PTPRK: variants seen among roughly 807,000 people sequenced by gnomAD.
PTPRK encodes the protein receptor-type tyrosine-protein phosphatase kappa.
In PTPRK, 75 loss-of-function variants were observed where a neutral mutation model predicts 178.0. That is an observed-to-expected ratio of 0.42 (90% CI 0.35 to 0.51). The LOEUF is 0.51. Ranked by LOEUF, PTPRK falls within the 20% of genes least tolerant of loss-of-function variation. The pLI is 0.02. For synonymous variants in PTPRK, 637 were observed against 620.6 expected (o/e 1.03, Z -0.39); for missense variants, 1,441 against 1,797.8 (o/e 0.80, Z 3.59).
intron 7 of PTPRK, among the ~76,000 whole-genome samples, chr6:128,136,882 T>A (rs1217909687): frequency 6.6e-6 from 1 of 152,156 alleles, no homozygotes; most frequent in Non-Finnish European, 1.5e-5. Context: ...ATGGTTTCTA[T>A]CCAAACCCCA....
At chr6:128,211,980 A>G (rs1265345588) in intron 6 of PTPRK, among the ~76,000 whole-genome samples, 1 of 152,040 alleles carries the variant, frequency 6.6e-6, no homozygotes, top group Admixed American at 6.6e-5. Context: ...TTCAATTAAC[A>G]TTCTATAAGA....
chr6:128,084,083 A>T (rs1241772544), intron 8 of PTPRK, among the ~76,000 whole-genome samples: 1 of 152,116 alleles, frequency 6.6e-6, no homozygotes, highest in Non-Finnish European at 1.5e-5. Context: ...ATATTCTATC[A>T]CCTTAGAGAG....
At chr6:128,272,074 C>T (rs1012910990) in intron 3 of PTPRK, among the ~76,000 whole-genome samples, 1 of 152,018 alleles carries the variant, frequency 6.6e-6, no homozygotes, top group African/African-American at 2.4e-5. Flanking sequence ...ACCATCTGAT[C>T]TTTGACAAAC....
At chr6:128,371,740 T>G (rs1240235469) in intron 2 of PTPRK, among the ~76,000 whole-genome samples, 1 of 152,054 alleles carries the variant, frequency 6.6e-6, no homozygotes. Flanking sequence ...CCAGGCACCA[T>G]GATGCACACC....
intron 3 of PTPRK, among the ~76,000 whole-genome samples, chr6:128,310,409 C>A (rs887327282): frequency 6.6e-6 from 1 of 152,080 alleles, no homozygotes; most frequent in East Asian, 1.9e-4. Context: ...GATAACGTTG[C>A]CTTCCGTATC....
In PTPRK at chr6:128,020,430, C is replaced by T. The variant is rs541219842; in HGVS notation, c.2195-11162G>A. On this transcript the variant is annotated intron_variant, in intron 13 of 29. Coordinates refer to ENST00000368226, the MANE Select transcript of PTPRK (RefSeq NM_002844.4). ...ATGGAGACGTTGGGGGAAAAAGCTT[C>T]ATGATAATGTCAGTGATATTTTTTT... Among the ~76,000 whole-genome samples, 10 of 152,300 alleles carry T rather than the reference C, an allele frequency of 6.6e-5. No homozygotes were observed. The East Asian group carries it at 1.9e-3, about 29-fold the overall frequency.
chr6:128,206,919 G>A (rs1003128415), intron 6 of PTPRK, among the ~76,000 whole-genome samples: 1 of 152,112 alleles, frequency 6.6e-6, no homozygotes, highest in African/African-American at 2.4e-5. Flanking sequence ...TAGCTTACAA[G>A]TTCCTGTCAA....
chr6:128,288,814 C>A (rs1158585808), intron 3 of PTPRK, among the ~76,000 whole-genome samples: 1 of 152,094 alleles, frequency 6.6e-6, no homozygotes, highest in Non-Finnish European at 1.5e-5. Flanking sequence ...TGGAACCTAG[C>A]TTTGAAAACT....
chr6:128,104,314 C>T (rs1362436538), intron 7 of PTPRK, among the ~76,000 whole-genome samples: 2 of 152,174 alleles, frequency 1.3e-5, no homozygotes, highest in Non-Finnish European at 1.5e-5. Context: ...GCAAGCTCCA[C>T]CTCCCAGGTT....
intron 2 of PTPRK, among the ~76,000 whole-genome samples, chr6:128,360,804 A>C (rs1834636240): frequency 6.6e-6 from 1 of 152,088 alleles, no homozygotes; most frequent in Admixed American, 6.5e-5. Context: ...TATACAACCA[A>C]AACTAGCCTT....
intron 1 of PTPRK, among the ~76,000 whole-genome samples, chr6:128,439,036 A>C (rs535926051): frequency 5.9e-5 from 9 of 152,348 alleles, no homozygotes; most frequent in African/African-American, 2.2e-4. Flanking sequence ...GGAAACACTG[A>C]GATTTGCTTA....
chr6:128,382,151 C>CAAAAAAAA (rs56321095), intron 2 of PTPRK, among the ~76,000 whole-genome samples: 1 of 75,662 alleles, frequency 1.3e-5, no homozygotes, highest in African/African-American at 4.5e-5. Flanking sequence ...TACCCTATCT[C>CAAAAAAAA]AAAAAAAAAA....
At chr6:128,085,391 T>C (rs1194846535) in intron 8 of PTPRK, 1 of 152,224 alleles carries the variant, frequency 6.6e-6, no homozygotes, top group Non-Finnish European at 1.5e-5. Flanking sequence ...TTCCATTATA[T>C]GCAAATGACA....
chr6:128,396,056 C>CT (rs558992707), intron 2 of PTPRK, among the ~76,000 whole-genome samples: 17 of 148,306 alleles, frequency 1.1e-4, no homozygotes, highest in East Asian at 3.9e-4. Flanking sequence ...GATGTTTTCA[C>CT]TTTTTTTTTT....
At chr6:127,997,148 T>C (rs1302294333) in intron 16 of PTPRK, among the ~76,000 whole-genome samples, 160 bp from the exon 17 acceptor site, 2 of 152,092 alleles carry the variant, frequency 1.3e-5, no homozygotes, top group Non-Finnish European at 2.9e-5. Context: ...AGCCGCTTTG[T>C]TGGATTCATA....
intron 9 of PTPRK, among the ~76,000 whole-genome samples, chr6:128,082,841 T>A (rs1376621297): frequency 2.0e-5 from 3 of 152,030 alleles, no homozygotes; most frequent in African/African-American, 7.2e-5. Context: ...TATCTACAGA[T>A]ACACCGGAGT....
At chr6:128,507,951 T>C (rs6917187) in intron 1 of PTPRK, among the ~76,000 whole-genome samples, 16,850 of 152,158 alleles carry the variant, frequency 0.11, 1,607 homozygotes, top group African/African-American at 0.25. Flanking sequence ...ATTGTGGCAA[T>C]GTGTTTGTAA....
intron 6 of PTPRK, 82 bp from the exon 7 acceptor site, chr6:128,184,807 C>T (rs534844281): frequency 1.6e-6 from 2 of 1,278,908 alleles, no homozygotes; most frequent in South Asian, 1.5e-5. Context: ...GGCCTAAATG[C>T]TTAATGGATC....
chr6:127,975,766 G>A (rs556633972), intron 27 of PTPRK, among the ~76,000 whole-genome samples: 20 of 152,230 alleles, frequency 1.3e-4, no homozygotes, highest in Admixed American at 1.2e-3. Flanking sequence ...CTGCCTCCCG[G>A]GTTCAAATGA....
Sources: gnomAD v4.1 joint callset for allele counts (sites outside exome capture counted in the v4.1 genomes callset) on GRCh38, gnomAD v4.1.1 for gene constraint, MANE v1.5 for transcripts, NCBI Gene and HGNC (gene_info 2026-07-23, HGNC 2026-07-21) for gene names.